The following MARCHF1 variants were observed in gnomAD, a reference collection of about 807,000 sequenced individuals.
MARCHF1 encodes membrane associated ring-CH-type finger 1, also known as E3 ubiquitin-protein ligase MARCHF1.
A neutral mutation model predicts 54.2 loss-of-function variants in MARCHF1; 40 were observed. The ratio of observed to expected loss-of-function variants is 0.74; its 90% CI spans 0.57 to 0.96. The LOEUF is 0.96. Among genes scored for constraint, MARCHF1 ranks in the 40% least tolerant of loss-of-function variants. MARCHF1 has a pLI of 0.00. For synonymous variants in MARCHF1, 236 were observed against 236.3 expected, an observed-to-expected ratio of 1.00 and a Z score of 0.01; for missense variants, 586 against 656.5, an observed-to-expected ratio of 0.89 and a Z score of 1.17.
Position 163,893,148 on chromosome 4 carries a change from AT to A in MARCHF1, c.-38-38980del, listed in dbSNP as rs377099576. On this transcript the variant is annotated intron_variant, in intron 3 of 9. Coordinates refer to ENST00000514618, the MANE Select transcript of MARCHF1 (RefSeq NM_001394959.1). Reference sequence around the variant, plus strand: ...CCCAACCTTACATACTTTAAAAAAAATTTTTTTTTGAGATGGAGTCTCACTC... The same window carrying A: ...CCCAACCTTACATACTTTAAAAAAAATTTTTTTTGAGATGGAGTCTCACTC... Among the ~76,000 whole-genome samples the A allele has an allele frequency of 8.6e-5, 13 of 151,396 alleles. 1 individual carries two copies. Among genetic ancestry groups the A allele is most frequent in the East Asian group, 1.9e-4 (1 of 5,166 alleles).
chr4:164,316,715 T>G (rs761737057), intron 1 of MARCHF1, among the ~76,000 whole-genome samples: 1 of 152,326 alleles, frequency 6.6e-6, no homozygotes, highest in East Asian at 1.9e-4. Context: ...ACAAATCCCA[T>G]GTCGAATTGT....
intron 1 of MARCHF1, among the ~76,000 whole-genome samples, chr4:164,326,802 G>A (rs994418505): frequency 1.3e-5 from 2 of 152,038 alleles, no homozygotes; most frequent in Non-Finnish European, 2.9e-5. Flanking sequence ...ATAGATTCTG[G>A]AGCCAAACTA....
intron 4 of MARCHF1, among the ~76,000 whole-genome samples, chr4:163,771,614 T>C (rs966916742): frequency 1.3e-5 from 2 of 152,166 alleles, no homozygotes; most frequent in African/African-American, 4.8e-5. Context: ...ACCTAATAAC[T>C]TCCCAAAAGG....
intron 2 of MARCHF1, among the ~76,000 whole-genome samples, chr4:164,003,922 G>A (rs1430270491): frequency 2.0e-5 from 3 of 152,058 alleles, no homozygotes; most frequent in Admixed American, 6.6e-5. Flanking sequence ...TGAAGAAAAC[G>A]TGGTATATAT....
chr4:164,067,735 C>T (rs1246076065), intron 2 of MARCHF1, among the ~76,000 whole-genome samples: 1 of 152,032 alleles, frequency 6.6e-6, no homozygotes, highest in Non-Finnish European at 1.5e-5. Context: ...ATAAATGGTC[C>T]TAATTAAACT....
At chr4:164,112,489 G>T (rs1475640554) in intron 1 of MARCHF1, among the ~76,000 whole-genome samples, 1 of 151,808 alleles carries the variant, frequency 6.6e-6, no homozygotes, top group Non-Finnish European at 1.5e-5. Context: ...GGATATTATT[G>T]ATCATTTTTT....
At chr4:164,022,736 G>C (rs1273281264) in intron 2 of MARCHF1, among the ~76,000 whole-genome samples, 1 of 152,228 alleles carries the variant, frequency 6.6e-6, no homozygotes, top group Admixed American at 6.5e-5. Context: ...CTCCGTCCAA[G>C]TATCTCTAGT....
chr4:163,571,795 T>G (rs558765983), intron 8 of MARCHF1, among the ~76,000 whole-genome samples: 1 of 152,180 alleles, frequency 6.6e-6, no homozygotes, highest in Non-Finnish European at 1.5e-5. Context: ...AAGTTGAAAA[T>G]GGTTTTCAGC....
At chr4:163,883,258 TGAGAG>T (rs1332022013) in intron 3 of MARCHF1, among the ~76,000 whole-genome samples, 19 of 145,526 alleles carry the variant, frequency 1.3e-4, no homozygotes, top group Admixed American at 4.9e-4. Context: ...TATATATATA[TGAGAG>T]AGAGAGAGAG....
intron 1 of MARCHF1, among the ~76,000 whole-genome samples, chr4:164,280,112 C>T (rs1733989738): frequency 6.6e-6 from 1 of 151,636 alleles, no homozygotes; most frequent in African/African-American, 2.4e-5. Flanking sequence ...GGTTAAAAAC[C>T]TCTACTGGTT....
At chr4:164,145,582 C>A (rs1227170547) in intron 1 of MARCHF1, among the ~76,000 whole-genome samples, 1 of 151,786 alleles carries the variant, frequency 6.6e-6, no homozygotes, top group African/African-American at 2.4e-5. Context: ...CACATGATTA[C>A]CTCAATAGAT....
intron 1 of MARCHF1, among the ~76,000 whole-genome samples, chr4:164,142,625 G>A (rs1462687023): frequency 6.6e-6 from 1 of 152,052 alleles, no homozygotes; most frequent in African/African-American, 2.4e-5. Flanking sequence ...TCTGTTAGAA[G>A]GAAAACTAAC....
chr4:164,151,038 C>A (rs540802752), intron 1 of MARCHF1, among the ~76,000 whole-genome samples: 1 of 152,088 alleles, frequency 6.6e-6, no homozygotes, highest in African/African-American at 2.4e-5. Context: ...CAGTCAAGGA[C>A]CTTTCAAAAC....
chr4:163,853,341 C>T (rs147822514), intron 4 of MARCHF1, among the ~76,000 whole-genome samples: 10 of 152,032 alleles, frequency 6.6e-5, no homozygotes, highest in African/African-American at 2.4e-4. Context: ...ACTTGGAAAC[C>T]GAATGGAATT....
At chr4:163,816,833 A>G (rs907245375) in intron 4 of MARCHF1, among the ~76,000 whole-genome samples, 1 of 152,100 alleles carries the variant, frequency 6.6e-6, no homozygotes, top group African/African-American at 2.4e-5. Context: ...GGACTTTGTC[A>G]TATACTATCT....
chr4:163,643,037 G>T (rs1156835542), intron 5 of MARCHF1, among the ~76,000 whole-genome samples: 1 of 151,748 alleles, frequency 6.6e-6, no homozygotes, highest in Non-Finnish European at 1.5e-5. Context: ...GGTTGGCCAG[G>T]CGCAGTGGCT....
Position 163,981,937 on chromosome 4 carries a change from G to C in MARCHF1, c.-39+6564C>G, listed in dbSNP as rs529669595. ...AGGGAGGAGTTTCAACAATCTACCT[G>C]CCTAATTGAGGCCACAATTTAAAAA... On this transcript the variant is annotated intron_variant, in intron 3 of 9. Coordinates refer to ENST00000514618, the MANE Select transcript of MARCHF1 (RefSeq NM_001394959.1). 9.2e-5 allele frequency among the ~76,000 whole-genome samples: 14 copies of C among 152,248 alleles called. 1 individual carries two copies. In the South Asian group the frequency reaches 2.9e-3, roughly 32 times the overall value.
chr4:164,321,407 A>C (rs1034388278), intron 1 of MARCHF1, among the ~76,000 whole-genome samples: 1 of 152,160 alleles, frequency 6.6e-6, no homozygotes, highest in Non-Finnish European at 1.5e-5. Context: ...AAGTAGAAGA[A>C]ATATTTTCAT....
chr4:164,382,875 C>A (rs187451593), intron 1 of MARCHF1, among the ~76,000 whole-genome samples: 2 of 152,144 alleles, frequency 1.3e-5, no homozygotes, highest in East Asian at 3.8e-4. Flanking sequence ...TAATAGAAAA[C>A]ATTTTGATCT....
Sources: gnomAD v4.1 joint callset for allele counts (sites outside exome capture counted in the v4.1 genomes callset) on GRCh38, gnomAD v4.1.1 for gene constraint, MANE v1.5 for transcripts, NCBI Gene and HGNC (gene_info 2026-07-23, HGNC 2026-07-21) for gene names.